Variants in SFSWAP observed in about 807,000 individuals in gnomAD.
SFSWAP encodes splicing factor SWAP, also known as splicing factor, suppressor of white-apricot homolog.
SFSWAP carries 17 observed loss-of-function variants against 100.7 expected under a neutral mutation model. That is an observed-to-expected ratio of 0.17 (90% CI 0.12 to 0.25). The LOEUF (loss-of-function observed/expected upper bound fraction) is 0.25. SFSWAP is among the 10% of genes least tolerant of loss of function. The pLI is 1.00. For synonymous variants in SFSWAP, 504 were observed against 510.1 expected (o/e 0.99, Z 0.16); for missense variants, 1,005 against 1,262.6 (o/e 0.80, Z 3.09).
intron 4 of SFSWAP, among the ~76,000 whole-genome samples, chr12:131,720,810 C>T (rs1339624766): frequency 6.6e-6 from 1 of 152,196 alleles, no homozygotes; most frequent in East Asian, 1.9e-4. Flanking sequence ...TCCTCTCCCT[C>T]TCTTTTATTC....
intron 15 of SFSWAP, among the ~76,000 whole-genome samples, chr12:131,788,215 C>T (rs752892094): frequency 6.6e-6 from 1 of 152,198 alleles, no homozygotes; most frequent in Non-Finnish European, 1.5e-5. Flanking sequence ...GAAGTAGCAG[C>T]GTCCTGATGG....
At chr12:131,767,790 C>T (rs1317009927) in intron 13 of SFSWAP, among the ~76,000 whole-genome samples, 1 of 152,020 alleles carries the variant, frequency 6.6e-6, no homozygotes, top group Admixed American at 6.5e-5. Flanking sequence ...ATTGAGCACA[C>T]ATGGACACAG....
At position 131,755,280 on chromosome 12, in the gene SFSWAP, CT is replaced by C. The variant is rs1224196383; in HGVS notation, c.1455-104del. The C allele has an allele frequency of 3.9e-6, 3 of 778,640 alleles. No homozygotes were observed. In the African/African-American group the frequency reaches 5.1e-5, roughly 13 times the overall value. 48.2% of individuals were successfully genotyped at this position (778,640 alleles called of 1,614,324 possible). ...GATGAGTAGCTAAAACAGTAACCAC[CT>C]TGTGGGATTGTTGAGATCAGTAAAG... On this transcript the variant is annotated intron_variant, in intron 9 of 17. Transcript: ENST00000261674.
rs761349922 is a variant in SFSWAP, at chr12:131,797,224, A to G, written c.2581A>G (p.Lys861Glu). The G allele has an allele frequency of 1.5e-5, 24 of 1,612,326 alleles. No individual in the cohort carries two copies. The highest frequency in any genetic ancestry group is 2.2e-5 in the South Asian group (2 of 91,072). Reference sequence around the variant, plus strand: ...GAAGAGGCGGTCCCGGTCGCGGACCAAGTCCAAGGCCAGGTCTCAGTCGGT... The same window carrying G: ...GAAGAGGCGGTCCCGGTCGCGGACCGAGTCCAAGGCCAGGTCTCAGTCGGT... ...KKKRRSRSRT[K>E]SKARSQSVSP... The change falls in exon 16 of 18, where the codon AAG becomes GAG. Residue 861 changes from lysine to glutamate, a missense_variant. Physicochemically the swap from Lys to Glu is moderately conservative, Grantham distance 56. This residue lies in a region of SFSWAP where 295 missense variants were observed against 347.9 expected (regional missense o/e 0.85). Transcript: ENST00000261674.
intron 16 of SFSWAP, 79 bp from the exon 17 acceptor site, chr12:131,798,958 A>C: frequency 1.0e-6 from 1 of 981,594 alleles, no homozygotes; most frequent in Non-Finnish European, 1.6e-6. Context: ...TGGGGTTCGG[A>C]GGTGGGGATG....
At chr12:131,744,162 T>C (rs896111089) in intron 7 of SFSWAP, among the ~76,000 whole-genome samples, 9 of 152,246 alleles carry the variant, frequency 5.9e-5, no homozygotes, top group Non-Finnish European at 8.8e-5. Flanking sequence ...CTGCATTGTC[T>C]TGGGGATTCA....
chr12:131,717,061 A>C (rs1205853418), intron 3 of SFSWAP, among the ~76,000 whole-genome samples: 1 of 152,152 alleles, frequency 6.6e-6, no homozygotes, highest in African/African-American at 2.4e-5. Context: ...TTAGAGCTTG[A>C]CATTTCGTGT....
At chr12:131,785,229 G>A (rs1251237649) in intron 14 of SFSWAP, 3 of 1,531,622 alleles carry the variant, frequency 2.0e-6, no homozygotes, top group Admixed American at 2.0e-5. Context: ...AAACGTCAAG[G>A]TGTCTAACTG....
At chr12:131,741,899 TG>T (rs1357567868) in intron 7 of SFSWAP, among the ~76,000 whole-genome samples, 1 of 152,132 alleles carries the variant, frequency 6.6e-6, no homozygotes, top group African/African-American at 2.4e-5. Context: ...CTGCTTTTCC[TG>T]GGGGCGTGTG....
intron 16 of SFSWAP, among the ~76,000 whole-genome samples, chr12:131,797,929 C>T (rs1885799710): frequency 6.6e-6 from 1 of 152,262 alleles, no homozygotes; most frequent in African/African-American, 2.4e-5. Flanking sequence ...TCCCTTTAAA[C>T]TGATTGCTTC....
intron 15 of SFSWAP, among the ~76,000 whole-genome samples, chr12:131,791,875 G>A (rs1212163183): frequency 6.6e-6 from 1 of 152,260 alleles, no homozygotes; most frequent in Admixed American, 6.5e-5. Context: ...TGGGGGAGGG[G>A]GTGTGCACAT....
chr12:131,766,442 G>T, intron 13 of SFSWAP, 134 bp downstream of exon 13: 1 of 802,564 alleles, frequency 1.2e-6, no homozygotes. Context: ...CTCCCGACAT[G>T]GTTGAGTGGC....
At chr12:131,796,690 G>A (rs1885702660) in intron 15 of SFSWAP, 1 of 153,036 alleles carries the variant, frequency 6.5e-6, no homozygotes, top group Non-Finnish European at 1.5e-5. Context: ...GCTGAGGCAG[G>A]AGGTTGCTTG....
intron 14 of SFSWAP, chr12:131,785,153 G>A: frequency 6.5e-7 from 1 of 1,535,734 alleles, no homozygotes; most frequent in East Asian, 2.4e-5. Context: ...GAGCCAGGAA[G>A]TTATCAGGCA....
At chr12:131,750,208 G>C (rs1192694251) in intron 7 of SFSWAP, among the ~76,000 whole-genome samples, 3 of 152,304 alleles carry the variant, frequency 2.0e-5, no homozygotes, top group South Asian at 4.1e-4. Context: ...TGAGAATCTG[G>C]GAGAAGCAAC....
At chr12:131,753,464 T>C (rs1881860634) in intron 8 of SFSWAP, 101 bp downstream of exon 8, 7 of 1,422,654 alleles carry the variant, frequency 4.9e-6, no homozygotes, top group South Asian at 1.5e-5. Flanking sequence ...CTAGATCATA[T>C]ACAGGGGTCC....
intron 4 of SFSWAP, among the ~76,000 whole-genome samples, chr12:131,724,342 C>CA (rs984161946): frequency 6.6e-6 from 1 of 152,144 alleles, no homozygotes; most frequent in African/African-American, 2.4e-5. Context: ...AATGAATAAC[C>CA]AGAGCCCCTG....
At chr12:131,728,162 C>T (rs1411627668) in intron 6 of SFSWAP, 131 bp from the exon 7 acceptor site, 1 of 991,784 alleles carries the variant, frequency 1.0e-6, no homozygotes, top group East Asian at 2.5e-5. Context: ...TTAGGACCTC[C>T]ATGGGTGCGT....
chr12:131,711,490 C>G lies in SFSWAP; in HGVS notation c.218+43C>G. 1 of 1,497,502 alleles carries G rather than the reference C, an allele frequency of 6.7e-7. No homozygotes were observed. Among genetic ancestry groups the G allele is most frequent in the Non-Finnish European group, 9.3e-7 (1 of 1,078,572 alleles). The allele number at this position is 1,497,502 out of a possible 1,614,324, so 92.8% of individuals were successfully genotyped here. ...CCCGTCGATCCTTCCCTTCCCTCAC[C>G]CGCTTGATCTCGTCTGATGTTGACT... On this transcript the variant is annotated intron_variant, in intron 1 of 17. Transcript: ENST00000261674. The surrounding 1 kb of genome is among the most constrained non-coding windows in gnomAD (Gnocchi z 4.9).
Sources: gnomAD v4.1 joint callset for allele counts (sites outside exome capture counted in the v4.1 genomes callset) on GRCh38, gnomAD v4.1.1 for gene constraint, gnomAD v4.1.1 regional missense constraint, Gnocchi (gnomAD v3.1) non-coding constraint, MANE v1.5 for transcripts, NCBI Gene and HGNC (gene_info 2026-07-23, HGNC 2026-07-21) for gene names.